The following BRWD1 variants were observed in gnomAD, a reference collection of about 807,000 sequenced individuals.
BRWD1 encodes the protein bromodomain and WD repeat-containing protein 1.
In BRWD1, 82 loss-of-function variants were observed where a neutral mutation model predicts 251.2. The observed-to-expected ratio is 0.33, with a 90% CI of 0.27 to 0.39. BRWD1 has a LOEUF of 0.39. BRWD1 is among the 10% of genes least tolerant of loss of function. The pLI is 1.00. For synonymous variants in BRWD1, 918 were observed against 902.8 expected, an observed-to-expected ratio of 1.02 and a Z score of -0.30; for missense variants, 2,233 against 2,711.6, an observed-to-expected ratio of 0.82 and a Z score of 3.92.
chr21:39,205,531 G>A (rs1030693864), intron 37 of BRWD1, among the ~76,000 whole-genome samples: 3 of 152,054 alleles, frequency 2.0e-5, no homozygotes, highest in African/African-American at 7.3e-5. Flanking sequence ...TAGCACTTTA[G>A]GAGGCTGAGG....
intron 20 of BRWD1, among the ~76,000 whole-genome samples, chr21:39,248,367 T>C (rs1346192933): frequency 6.6e-6 from 1 of 151,874 alleles, no homozygotes; most frequent in Non-Finnish European, 1.5e-5. Context: ...ATTCCAGCAC[T>C]TTGGGAGGAC....
At chr21:39,241,713 C>A (rs572854028) in intron 21 of BRWD1, among the ~76,000 whole-genome samples, 2 of 152,074 alleles carry the variant, frequency 1.3e-5, no homozygotes, top group Non-Finnish European at 2.9e-5. Flanking sequence ...TTGTGCTTCA[C>A]AGTTGTGTTT....
At chr21:39,315,362 G>A (rs2036679677), upstream of BRWD1, among the ~76,000 whole-genome samples, 2 of 152,014 alleles carry the variant, frequency 1.3e-5, no homozygotes, top group African/African-American at 4.8e-5. Flanking sequence ...TGTCGGGTAT[G>A]GTGGCTCACG....
intron 8 of BRWD1, 131 bp from the exon 9 acceptor site, chr21:39,280,379 C>A: frequency 1.5e-6 from 1 of 660,942 alleles, no homozygotes; most frequent in Non-Finnish European, 2.6e-6. Context: ...ATAGGTAATA[C>A]TACCGTAGTG....
At chr21:39,205,452 G>C (rs1037111273) in intron 37 of BRWD1, among the ~76,000 whole-genome samples, 10 of 152,192 alleles carry the variant, frequency 6.6e-5, no homozygotes, top group African/African-American at 2.4e-4. Context: ...ACCCCAGCCT[G>C]GGCAACATAG....
Position 39,187,847 on chromosome 21 carries a change from CAG to C in BRWD1, c.*8410_*8411del. On this transcript the variant is annotated 3_prime_UTR_variant, in exon 41 of 41. Transcript: ENST00000342449. ...AGTTGCTTTAAGGAACCAAAAAGTGCAGAGTGCTATGAGAACACAGACTGGAA... is the reference window on the plus strand; with the variant it reads ...AGTTGCTTTAAGGAACCAAAAAGTGCAGTGCTATGAGAACACAGACTGGAA... The C allele has an allele frequency of 2.0e-6, 2 of 984,842 alleles. No homozygotes were observed. Among genetic ancestry groups the C allele is most frequent in the Non-Finnish European group, 2.4e-6 (2 of 829,518 alleles). 61.0% of individuals were successfully genotyped at this position (984,842 alleles called of 1,614,324 possible).
chr21:39,265,039 A>C lies in BRWD1; in HGVS notation c.1531-20T>G. On this transcript the variant is annotated intron_variant, in intron 15 of 40. Coordinates refer to ENST00000342449, the MANE Select transcript of BRWD1 (RefSeq NM_033656.4). ...TTCAATCTAGGAAACACAAAAGGAAAAAAGTTAGGACCAATTCTATGCAAG... is the reference window on the plus strand; with the variant it reads ...TTCAATCTAGGAAACACAAAAGGAACAAAGTTAGGACCAATTCTATGCAAG... 6.2e-7 allele frequency: 1 copy of C among 1,607,302 alleles called. No individual in the cohort carries two copies.
At chr21:39,240,805 T>A (rs2033962338) in intron 21 of BRWD1, among the ~76,000 whole-genome samples, 1 of 152,238 alleles carries the variant, frequency 6.6e-6, no homozygotes, top group Non-Finnish European at 1.5e-5. Flanking sequence ...TTTGAAATAT[T>A]TGTACTAAAT....
intron 34 of BRWD1, 149 bp downstream of exon 34, chr21:39,212,517 A>C: frequency 3.1e-6 from 2 of 640,360 alleles, no homozygotes; most frequent in Non-Finnish European, 5.4e-6. Context: ...CTCTCCCACT[A>C]AATCTTTCCA....
chr21:39,296,527 A>G, intron 5 of BRWD1, 164 bp from the exon 6 acceptor site: 3 of 1,246,494 alleles, frequency 2.4e-6, no homozygotes, highest in Non-Finnish European at 3.0e-6. Flanking sequence ...TTTCTGAAGA[A>G]AAAGAAAATT....
intron 21 of BRWD1, among the ~76,000 whole-genome samples, chr21:39,244,921 A>AATATATATATATATATATATATAT (rs56801824): frequency 0.02 from 2,209 of 111,630 alleles, 67 homozygotes; most frequent in Non-Finnish European, 0.027. Context: ...CTTTGGAAGA[A>AATATATATATATATATATATATAT]ATATATATAT....
Position 39,236,653 on chromosome 21 carries a change from T to G in BRWD1, c.2708A>C (p.Asn903Thr), listed in dbSNP as rs770826333. The change falls in exon 23 of 41, where the codon AAT becomes ACT. Residue 903 changes from asparagine (N) to threonine (T), a missense_variant. Transcript: ENST00000342449. ...TCGTCTTCTTTTTGGAGGAGATAAA[T>G]TCTCAGTAGATATTTCATCTTCTGA... Reference protein sequence around the residue: ...SSSEDEISTENLSPPKRRRKR... With the variant: ...SSSEDEISTETLSPPKRRRKR... 1.2e-5 allele frequency: 19 copies of G among 1,613,750 alleles called. No homozygotes were observed. In the East Asian group the frequency reaches 3.3e-4, roughly 28 times the overall value.
At chr21:39,312,688 A>C (rs1601521274) in intron 4 of BRWD1, 153 bp downstream of exon 4, 2 of 456,860 alleles carry the variant, frequency 4.4e-6, no homozygotes, top group Non-Finnish European at 7.8e-6. Context: ...AAAACAAAAC[A>C]AAATCTTCAG....
chr21:39,190,481 T>C lies in BRWD1; in HGVS notation c.*5778A>G, dbSNP rs1437627350. On this transcript the variant is annotated 3_prime_UTR_variant, in exon 41 of 41. Coordinates refer to ENST00000342449, the MANE Select transcript of BRWD1 (RefSeq NM_033656.4). ...ATCTTGACATTATTGGTTGCTGTGG[T>C]TGGTGGATAAATCAAATCCACAAAG... is the stretch of plus-strand genomic sequence containing the variant. 2.0e-6 allele frequency: 2 copies of C among 985,264 alleles called. No homozygotes were observed. Among genetic ancestry groups the C allele is most frequent in the African/African-American group, 3.5e-5 (2 of 57,236 alleles). 61.0% of individuals were successfully genotyped at this position (985,264 alleles called of 1,614,324 possible). A position where few individuals can be genotyped will look rare whatever the true frequency, so the allele number is the denominator to read the frequency against.
intron 4 of BRWD1, among the ~76,000 whole-genome samples, chr21:39,305,890 G>A (rs1029997956): frequency 6.7e-6 from 1 of 148,348 alleles, no homozygotes; most frequent in Non-Finnish European, 1.5e-5. Context: ...AAACCTTATC[G>A]GGGTGTGGCT....
chr21:39,298,472 T>C lies in BRWD1; in HGVS notation c.309A>G (p.Leu103=), dbSNP rs771245524. The change falls in exon 5 of 41, where the codon TTA becomes TTG. Residue 103 remains leucine (L), a synonymous_variant. Coordinates refer to ENST00000342449, the MANE Select transcript of BRWD1 (RefSeq NM_033656.4). ...IPPSISRVTS[L]LGAGRQSLLR... is the part of the protein sequence containing the mutation. ...GCAAAGACTGCCTTCCTGCACCAAGTAAAGAAGTGACTCTTGAAATACTGG... is the reference window on the plus strand; with the variant it reads ...GCAAAGACTGCCTTCCTGCACCAAGCAAAGAAGTGACTCTTGAAATACTGG... 2 of 1,609,248 alleles carry C rather than the reference T, an allele frequency of 1.2e-6. No individual in the cohort carries two copies. Among genetic ancestry groups the C allele is most frequent in the Non-Finnish European group, 1.7e-6 (2 of 1,178,524 alleles).
Position 39,212,702 on chromosome 21 carries a change from A to G in BRWD1, c.3864T>C (p.Asp1288=), listed in dbSNP as rs1356841386. The change falls in exon 34 of 41, where the codon GAT becomes GAC. Residue 1288 remains aspartate, a synonymous_variant. Transcript: ENST00000342449. ...NDEQNAEDLD[D]SDLPKTSSGR... is the part of the protein sequence containing the mutation. ...CAGAAGATGTTTTAGGAAGATCACT[A>G]TCATCCTAGGAATAAAATCAGAGCA... 1.7e-5 allele frequency: 27 copies of G among 1,574,164 alleles called. No homozygotes were observed. Among genetic ancestry groups the G allele is most frequent in the Non-Finnish European group, 2.4e-5 (27 of 1,147,214 alleles).
chr21:39,314,071 C>T (rs1361377645), upstream of BRWD1: 16 of 455,934 alleles, frequency 3.5e-5, no homozygotes, highest in Admixed American at 3.8e-4. Context: ...CTCCGGGTCG[C>T]TCGGAAGGGT....
At chr21:39,224,592 T>A in intron 28 of BRWD1, 123 bp from the exon 29 acceptor site, 4 of 610,350 alleles carry the variant, frequency 6.6e-6, no homozygotes, top group Non-Finnish European at 8.6e-6. Context: ...ATTTTAAATA[T>A]TAACAGTAAA....
Sources: gnomAD v4.1 joint callset for allele counts (sites outside exome capture counted in the v4.1 genomes callset) on GRCh38, gnomAD v4.1.1 for gene constraint, MANE v1.5 for transcripts, NCBI Gene and HGNC (gene_info 2026-07-23, HGNC 2026-07-21) for gene names.